Variants in NOX4 observed in about 807,000 individuals in gnomAD.
NOX4 encodes NADPH oxidase 4.
A neutral mutation model predicts 87.6 loss-of-function variants in NOX4; 69 were observed. That is an observed-to-expected ratio of 0.79 (90% confidence interval 0.65 to 0.96). NOX4 has a LOEUF of 0.96. Among genes scored for constraint, NOX4 ranks in the 40% least tolerant of loss-of-function variants. The pLI is 0.00. For synonymous variants in NOX4, 275 were observed against 238.2 expected (o/e 1.15, Z -1.42); for missense variants, 680 against 681.5 (o/e 1.00, Z 0.02).
rs988290757 is a variant in NOX4 at position 89,326,800 on chromosome 11, A to T, written c.1693T>A (p.Ser565Thr). The T allele has an allele frequency of 6.2e-7, 1 of 1,613,278 alleles. No individual in the cohort carries two copies. The highest frequency in any genetic ancestry group is 1.3e-5 in the African/African-American group (1 of 74,878). The change falls in exon 18 of 18, where the codon TCA becomes ACA. Residue 565 changes from serine (S) to threonine (T), a missense_variant. Transcript: ENST00000263317. ...TLHKLSNQNNSYGTRFEYNKE... is the reference protein window; with the variant it reads ...TLHKLSNQNNTYGTRFEYNKE... ...TTGTATTCAAATCTTGTCCCATATG[A>T]GTTGTTCTGGTTACTCAGTTTATGA...
intron 11 of NOX4, among the ~76,000 whole-genome samples, chr11:89,383,472 C>T (rs1002029146): frequency 6.6e-5 from 10 of 152,164 alleles, no homozygotes; most frequent in Non-Finnish European, 1.3e-4. Context: ...GCTGCCCGAT[C>T]GCCTCTGAAG....
the NOX4 span, among the ~76,000 whole-genome samples, chr11:89,507,525 T>C: frequency 1.3e-5 from 2 of 151,612 alleles, no homozygotes; most frequent in African/African-American, 2.4e-5. Context: ...TATATTGCAA[T>C]ATATACATAT....
At chr11:89,570,965 C>G in the NOX4 span, among the ~76,000 whole-genome samples, 1 of 152,204 alleles carries the variant, frequency 6.6e-6, no homozygotes, top group Non-Finnish European at 1.5e-5. Flanking sequence ...TAATTTTATA[C>G]TTTATGCAAT....
chr11:89,370,078 T>C (rs1471162971), intron 12 of NOX4, among the ~76,000 whole-genome samples: 9 of 151,998 alleles, frequency 5.9e-5, no homozygotes, highest in African/African-American at 2.2e-4. Context: ...AGTCCTTAAC[T>C]AAACCTATAT....
chr11:89,567,239 C>T, the NOX4 span, among the ~76,000 whole-genome samples: 1 of 152,164 alleles, frequency 6.6e-6, no homozygotes, highest in Non-Finnish European at 1.5e-5. Context: ...CAGCAGCTGC[C>T]ACCATAGCTA....
intron 4 of NOX4, among the ~76,000 whole-genome samples, chr11:89,447,752 C>T (rs1423395176): frequency 6.6e-6 from 1 of 152,082 alleles, no homozygotes; most frequent in East Asian, 1.9e-4. Flanking sequence ...TCCTGATCCT[C>T]CTCCATTTCT....
intron 11 of NOX4, among the ~76,000 whole-genome samples, chr11:89,398,791 T>C (rs139130512): frequency 3.3e-5 from 5 of 152,004 alleles, no homozygotes; most frequent in African/African-American, 1.2e-4. Flanking sequence ...AGTCCAAATA[T>C]CCAACTTCAA....
rs73535453 is a variant in NOX4 at position 89,458,888 on chromosome 11, T to C, written c.154-6993A>G. Among the ~76,000 whole-genome samples, 498 of 152,180 alleles carry C rather than the reference T, an allele frequency of 3.3e-3. 5 individuals carry two copies. The highest frequency in any genetic ancestry group is 0.011 in the African/African-American group (476 of 41,540). On this transcript the variant is annotated intron_variant, in intron 2 of 17. Transcript: ENST00000263317. Reference sequence around the variant, plus strand: ...GAATTAGATCAGCCCCTGTGGAAAATAGTTTTGCAATTTCTCAACGAAATT... The same window carrying C: ...GAATTAGATCAGCCCCTGTGGAAAACAGTTTTGCAATTTCTCAACGAAATT...
chr11:89,569,132 C>T, the NOX4 span, among the ~76,000 whole-genome samples: 2 of 150,326 alleles, frequency 1.3e-5, no homozygotes, highest in South Asian at 4.2e-4. Flanking sequence ...TAGGAATAAA[C>T]ATTCTGGACA....
chr11:89,360,958 G>T (rs1243249310), intron 12 of NOX4, among the ~76,000 whole-genome samples: 4 of 152,042 alleles, frequency 2.6e-5, no homozygotes, highest in Non-Finnish European at 4.4e-5. Flanking sequence ...AATAGATGTT[G>T]GTATGGATGT....
At chr11:89,398,367 A>G (rs1941627854) in intron 11 of NOX4, among the ~76,000 whole-genome samples, 1 of 151,996 alleles carries the variant, frequency 6.6e-6, no homozygotes, top group Non-Finnish European at 1.5e-5. Flanking sequence ...ATCATACTGA[A>G]TGGGCAAAAA....
At chr11:89,437,802 G>A (rs908273334) in intron 6 of NOX4, among the ~76,000 whole-genome samples, 13 of 151,936 alleles carry the variant, frequency 8.6e-5, no homozygotes, top group African/African-American at 3.1e-4. Context: ...ATATCCATGC[G>A]ATTGGTTCCA....
At chr11:89,429,068 C>T (rs1478244300) in intron 7 of NOX4, among the ~76,000 whole-genome samples, 12 of 152,326 alleles carry the variant, frequency 7.9e-5, no homozygotes, top group Admixed American at 7.8e-4. Context: ...CTCAAAACCG[C>T]TCAACTGCAT....
chr11:89,457,552 G>A (rs1247315144), intron 2 of NOX4, among the ~76,000 whole-genome samples: 1 of 152,150 alleles, frequency 6.6e-6, no homozygotes, highest in Non-Finnish European at 1.5e-5. Flanking sequence ...TGCAGCTGAG[G>A]GCCTAGTACA....
In NOX4 at chr11:89,442,724, G is replaced by A. The variant is rs150057947; in HGVS notation, c.447+1411C>T. ...TGAGAGTTTTAAAATATTTTATATT[G>A]AGCATGTATAACTTTTCAAAGAAAA... On this transcript the variant is annotated intron_variant, in intron 5 of 17. Transcript: ENST00000263317. Among the ~76,000 whole-genome samples the A allele has an allele frequency of 1.5e-3, 233 of 152,078 alleles. 3 individuals carry two copies. The highest frequency in any genetic ancestry group is 8.8e-3 in the Admixed American group (134 of 15,260).
At chr11:89,565,146 C>G in the NOX4 span, among the ~76,000 whole-genome samples, 748 of 152,246 alleles carry the variant, frequency 4.9e-3, 3 homozygotes, top group African/African-American at 0.01. Context: ...CATATATTCT[C>G]TTCTCTTTAT....
At chr11:89,515,733 G>A in the NOX4 span, among the ~76,000 whole-genome samples, 1 of 151,748 alleles carries the variant, frequency 6.6e-6, no homozygotes, top group Non-Finnish European at 1.5e-5. Context: ...TTTTATGTAT[G>A]GCATGGGACG....
chr11:89,349,967 A>G (rs537156986), intron 13 of NOX4, among the ~76,000 whole-genome samples: 23 of 152,334 alleles, frequency 1.5e-4, no homozygotes, highest in African/African-American at 4.8e-4. Context: ...GTTTATTAGC[A>G]ATAAAACTTG....
chr11:89,494,177 C>G (rs1946922495), upstream of NOX4, among the ~76,000 whole-genome samples: 1 of 152,154 alleles, frequency 6.6e-6, no homozygotes, highest in Non-Finnish European at 1.5e-5. Context: ...AAAATTCACA[C>G]TTTCTCCAGG....
Sources: gnomAD v4.1 joint callset for allele counts (sites outside exome capture counted in the v4.1 genomes callset) on GRCh38, gnomAD v4.1.1 for gene constraint, MANE v1.5 for transcripts, NCBI Gene and HGNC (gene_info 2026-07-23, HGNC 2026-07-21) for gene names.